FAM53A: variants seen among roughly 807,000 people sequenced by gnomAD.
The protein encoded by FAM53A is family with sequence similarity 53 member A, also known as protein FAM53A.
FAM53A carries 28 observed loss-of-function variants against 26.6 expected under a neutral mutation model. The observed-to-expected ratio is 1.05, with a 90% CI of 0.78 to 1.45. FAM53A has a LOEUF of 1.45. Ranked by LOEUF, FAM53A falls within the 40% of genes most tolerant of loss-of-function variation. The probability of loss-of-function intolerance (pLI) is 0.00; values close to 1 mark genes in which losing one functional copy is unlikely to be tolerated. For missense variants in FAM53A, 650 were observed against 575.8 expected (o/e 1.13, Z -1.32); for synonymous variants, 290 against 253.1 (o/e 1.15, Z -1.38).
At position 1,668,693 on chromosome 4, in the gene FAM53A, G is replaced by A. The variant is rs1402385478; in HGVS notation, c.49C>T (p.Leu17Phe). Residue 17 changes from leucine to phenylalanine, a missense_variant, in exon 2 of 5, where the codon CTC becomes TTC. Leu to Phe is a conservative substitution (Grantham distance 22, BLOSUM62 0). Coordinates refer to ENST00000308132, the MANE Select transcript of FAM53A (RefSeq NM_001174070.3). Reference sequence around the variant, plus strand: ...GGGCCAGCCTCCGCCTTGCAGGTGAGGTCGTCCAGGCTCTGGCTCTGCAGC... The same window carrying A: ...GGGCCAGCCTCCGCCTTGCAGGTGAAGTCGTCCAGGCTCTGGCTCTGCAGC... ...EKLQSQSLDD[L>F]TCKAEAGPLQ... The A allele has an allele frequency of 6.2e-7, 1 of 1,614,176 alleles. No individual in the cohort carries two copies. The highest frequency in any genetic ancestry group is 1.3e-5 in the African/African-American group (1 of 75,068).
chr4:1,625,907 G>C (rs1165475583), intron 1 of FAM53A, among the ~76,000 whole-genome samples: 3 of 152,248 alleles, frequency 2.0e-5, no homozygotes, highest in Non-Finnish European at 4.4e-5. Flanking sequence ...GCTGTCCAGA[G>C]ACCCCAGAGG....
intron 1 of FAM53A, among the ~76,000 whole-genome samples, chr4:1,618,397 C>A (rs1281327632): frequency 6.6e-6 from 1 of 152,200 alleles, no homozygotes; most frequent in Non-Finnish European, 1.5e-5. Context: ...GGGGCCTGAC[C>A]ACAGCTCCAG....
chr4:1,663,665 T>C (rs1157121272), intron 2 of FAM53A, among the ~76,000 whole-genome samples: 1 of 152,088 alleles, frequency 6.6e-6, no homozygotes, highest in Non-Finnish European at 1.5e-5. Flanking sequence ...AACAGCATTA[T>C]GTGGGTTCCA....
chr4:1,582,913 A>G, the FAM53A span, among the ~76,000 whole-genome samples: 104,361 of 152,082 alleles, frequency 0.69, 36,092 homozygotes, highest in East Asian at 0.81. Flanking sequence ...AAACCTTGGG[A>G]TTGGATTTCT....
chr4:1,683,124 T>C (rs1374319954), intron 1 of FAM53A, among the ~76,000 whole-genome samples: 2 of 152,204 alleles, frequency 1.3e-5, no homozygotes, highest in Non-Finnish European at 2.9e-5. Context: ...ACTACAATTG[T>C]CTGAAAGAAC....
the FAM53A span, chr4:1,574,458 C>T: frequency 1.3e-5 from 2 of 152,534 alleles, no homozygotes; most frequent in African/African-American, 2.4e-5. Flanking sequence ...CCCCCGGTGC[C>T]CTGTGTGTGG....
At chr4:1,585,874 G>A in the FAM53A span, among the ~76,000 whole-genome samples, 9 of 152,160 alleles carry the variant, frequency 5.9e-5, no homozygotes, top group East Asian at 1.9e-4. Flanking sequence ...ACAGGAATGC[G>A]CCACCACACC....
At position 1,655,227 on chromosome 4, in the gene FAM53A, C is replaced by T. The variant is rs1443798181; in HGVS notation, c.633G>A (p.Ala211=). ...SAGSGPLWCS[A]ESCLPSTRRR... ...GCCTCGTGGAGGGCAAGCAGGACTC[C>T]GCGGAACACCAGAGCGGGCCTGAGC... The change falls in exon 4 of 5, where the codon GCG becomes GCA. Residue 211 remains alanine (A), a synonymous_variant. Transcript: ENST00000308132. 3.3e-6 allele frequency: 5 copies of T among 1,538,184 alleles called. No homozygotes were observed. The highest frequency in any genetic ancestry group is 2.8e-5 in the African/African-American group (2 of 71,658).
At position 1,655,286 on chromosome 4, in the gene FAM53A, C is replaced by A. The variant is rs1340339004; in HGVS notation, c.574G>T (p.Gly192Cys). Residue 192 changes from glycine to cysteine, a missense_variant, in exon 4 of 5, where the codon GGC becomes TGC. Gly to Cys is a radical substitution (Grantham distance 159). Coordinates refer to ENST00000308132, the MANE Select transcript of FAM53A (RefSeq NM_001174070.3). ...CCCTCGCTGCTGTCCACGAAGCCGCCGCTGGCGGAGGACGGCCGGGGCGTG... is the reference window on the plus strand; with the variant it reads ...CCCTCGCTGCTGTCCACGAAGCCGCAGCTGGCGGAGGACGGCCGGGGCGTG... Reference protein sequence around the residue: ...PATPRPSSASGGFVDSSEGSA... With the variant: ...PATPRPSSASCGFVDSSEGSA... The A allele has an allele frequency of 1.4e-6, 2 of 1,425,534 alleles. No individual in the cohort carries two copies. Among genetic ancestry groups the A allele is most frequent in the African/African-American group, 1.5e-5 (1 of 66,666 alleles). The allele number at this position is 1,425,534 out of a possible 1,614,324, so 88.3% of individuals were successfully genotyped here. A position where few individuals can be genotyped will look rare whatever the true frequency, so the allele number is the denominator to read the frequency against.
rs774499895 is a variant in FAM53A, at chr4:1,641,579, G to C, written c.911C>G (p.Ser304Cys). 1.9e-6 allele frequency: 3 copies of C among 1,614,148 alleles called. No individual in the cohort carries two copies. In the East Asian group the frequency reaches 6.7e-5, roughly 36 times the overall value. ...CTCATCGTCATCTTCGTAATTGAGG[G>C]AGCAAAGGCTTTTTGAATTTTTTAA... is the stretch of plus-strand genomic sequence containing the variant. ...QTLKNSKSLCSLNYEDDDEDD... is the reference protein window; with the variant it reads ...QTLKNSKSLCCLNYEDDDEDD... Residue 304 changes from serine to cysteine, a missense_variant, in exon 5 of 5, where the codon TCC becomes TGC. Transcript: ENST00000308132.
intron 1 of FAM53A, among the ~76,000 whole-genome samples, chr4:1,673,836 C>T (rs1714849252): frequency 6.6e-6 from 1 of 152,388 alleles, no homozygotes; most frequent in African/African-American, 2.4e-5. Context: ...AGCTCTGGCA[C>T]GCGGGAGGCG....
chr4:1,576,341 G>A, the FAM53A span, among the ~76,000 whole-genome samples: 2 of 152,328 alleles, frequency 1.3e-5, no homozygotes, highest in Non-Finnish European at 1.5e-5. Flanking sequence ...GATCAGTGGC[G>A]GCAGTAATCG....
At chr4:1,649,201 GGGAAA>G (rs1712531847) in intron 4 of FAM53A, among the ~76,000 whole-genome samples, 1 of 150,214 alleles carries the variant, frequency 6.7e-6, no homozygotes, top group African/African-American at 2.5e-5. Flanking sequence ...GAAGGGGAAA[GGGAAA>G]GGGAAGGGGA....
chr4:1,625,701 C>T (rs113763063), intron 1 of FAM53A, among the ~76,000 whole-genome samples: 4 of 141,504 alleles, frequency 2.8e-5, no homozygotes, highest in African/African-American at 8.3e-5. Context: ...GAAGGCCCTA[C>T]GTACCAGCCC....
intron 4 of FAM53A, among the ~76,000 whole-genome samples, chr4:1,641,824 A>T (rs1056656051): frequency 1.3e-5 from 2 of 151,922 alleles, no homozygotes; most frequent in African/African-American, 4.8e-5. Flanking sequence ...CTGGCCCCTC[A>T]GCTCTCCTCA....
At chr4:1,632,439 C>T (rs1223201079) in intron 1 of FAM53A, among the ~76,000 whole-genome samples, 13 of 152,146 alleles carry the variant, frequency 8.5e-5, no homozygotes, top group Admixed American at 7.9e-4. Flanking sequence ...GGAGGAGAGA[C>T]AGCTCTGCTG....
downstream of FAM53A, among the ~76,000 whole-genome samples, chr4:1,636,307 C>CA (rs1560124648): frequency 6.6e-6 from 1 of 152,218 alleles, no homozygotes; most frequent in African/African-American, 2.4e-5. Context: ...CCAGCACCAT[C>CA]AAACCTCATG....
intron 4 of FAM53A, among the ~76,000 whole-genome samples, chr4:1,651,629 C>T (rs1160947765): frequency 6.6e-6 from 1 of 151,960 alleles, no homozygotes; most frequent in African/African-American, 2.4e-5. Flanking sequence ...GCAGAATAAC[C>T]GGGGTCAAGA....
At chr4:1,656,166 C>A (rs1713367391) in intron 3 of FAM53A, among the ~76,000 whole-genome samples, 1 of 152,216 alleles carries the variant, frequency 6.6e-6, no homozygotes, top group Non-Finnish European at 1.5e-5. Flanking sequence ...ATGGGCAACA[C>A]AGGGTCACAC....
Sources: gnomAD v4.1 joint callset for allele counts (sites outside exome capture counted in the v4.1 genomes callset) on GRCh38, gnomAD v4.1.1 for gene constraint, MANE v1.5 for transcripts, NCBI Gene and HGNC (gene_info 2026-07-23, HGNC 2026-07-21) for gene names.